The following PTPRD variants were observed in gnomAD, a reference collection of about 807,000 sequenced individuals.
PTPRD encodes protein tyrosine phosphatase receptor type D, also known as receptor-type tyrosine-protein phosphatase delta.
PTPRD carries 34 observed loss-of-function variants against 214.5 expected under a neutral mutation model. The ratio of observed to expected loss-of-function variants is 0.16; its 90% CI spans 0.12 to 0.21. The LOEUF is 0.21. Ranked by LOEUF, PTPRD falls within the 10% of genes least tolerant of loss-of-function variation. The pLI is 1.00. For synonymous variants in PTPRD, 1,128 were observed against 845.7 expected (o/e 1.33, Z -5.79); for missense variants, 2,545 against 2,398.7 (o/e 1.06, Z -1.27).
chr9:10,410,608 T>G (rs1169900094), intron 2 of PTPRD, among the ~76,000 whole-genome samples: 3 of 151,700 alleles, frequency 2.0e-5, no homozygotes, highest in Non-Finnish European at 4.4e-5. Context: ...ACATCAAATC[T>G]ATTTAAATAA....
chr9:10,470,948 A>T (rs58364353), intron 2 of PTPRD, among the ~76,000 whole-genome samples: 1 of 152,100 alleles, frequency 6.6e-6, no homozygotes, highest in African/African-American at 2.4e-5. Context: ...GCACATATAC[A>T]AGATGGAATA....
At chr9:9,290,388 T>G (rs546138264) in intron 9 of PTPRD, among the ~76,000 whole-genome samples, 24 of 151,890 alleles carry the variant, frequency 1.6e-4, no homozygotes, top group African/African-American at 5.8e-4. Flanking sequence ...TGCAAATATT[T>G]TCTCCCATTT....
At chr9:8,359,488 A>G (rs1355853389) in intron 39 of PTPRD, among the ~76,000 whole-genome samples, 4 of 152,000 alleles carry the variant, frequency 2.6e-5, no homozygotes, top group African/African-American at 4.8e-5. Flanking sequence ...GCAAATTTAT[A>G]AAATAATTAT....
intron 3 of PTPRD, among the ~76,000 whole-genome samples, chr9:10,268,706 A>G (rs1414200759): frequency 1.3e-5 from 2 of 152,124 alleles, no homozygotes; most frequent in African/African-American, 4.8e-5. Flanking sequence ...TTCTAGTACT[A>G]TATCCTCTCA....
chr9:9,088,628 G>C (rs1298702), intron 10 of PTPRD, among the ~76,000 whole-genome samples: 1 of 131,480 alleles, frequency 7.6e-6, no homozygotes, highest in African/African-American at 2.8e-5. Context: ...GCTTGCAGTA[G>C]ATGGTCTCAA....
rs2098770584 is a variant in PTPRD, at chr9:9,773,516, A to G, written c.-367-6665T>C. ...TCTTCCTTAATTCTCTAAGAGAGGT[A>G]TTATAGAATATCTCATGACATAAGA... On this transcript the variant is annotated intron_variant, in intron 5 of 45. Transcript: ENST00000381196. Among the ~76,000 whole-genome samples, 3 of 152,166 alleles carry G rather than the reference A, an allele frequency of 2.0e-5. No individual in the cohort carries two copies. The South Asian group carries it at 6.2e-4, about 32-fold the overall frequency.
At position 8,382,780 on chromosome 9, in the gene PTPRD, G is replaced by A. The variant is rs528443690; in HGVS notation, c.4387-6054C>T. ...CCCATACATCATGCAGACTCCAAAG[G>A]CAATGTTTGTGCTGCTGGTCCTAAA... On this transcript the variant is annotated intron_variant, in intron 37 of 45. Coordinates refer to ENST00000381196, the MANE Select transcript of PTPRD (RefSeq NM_002839.4). Among the ~76,000 whole-genome samples, 3 of 152,220 alleles carry A rather than the reference G, an allele frequency of 2.0e-5. No homozygotes were observed. In the East Asian group the frequency reaches 5.8e-4, roughly 29 times the overall value.
intron 2 of PTPRD, among the ~76,000 whole-genome samples, chr9:10,351,918 G>C (rs1346597015): frequency 6.6e-6 from 1 of 151,896 alleles, no homozygotes; most frequent in Non-Finnish European, 1.5e-5. Flanking sequence ...ACCTCCTTAG[G>C]AAAATGTGCC....
In PTPRD at chr9:10,012,086, T is replaced by C. The variant is rs142249268; in HGVS notation, c.-472+21632A>G. ...ACTATTTGTGAAAAGTACTAACATA[T>C]GTAAGAATTCCCTTCATCAAATGAT... On this transcript the variant is annotated intron_variant, in intron 4 of 45. Coordinates refer to ENST00000381196, the MANE Select transcript of PTPRD (RefSeq NM_002839.4). Among the ~76,000 whole-genome samples, 859 of 152,106 alleles carry C rather than the reference T, an allele frequency of 5.6e-3. 3 individuals are homozygous for C. The highest frequency in any genetic ancestry group is 9.2e-3 in the Non-Finnish European group (624 of 67,912).
At chr9:10,308,047 G>T (rs1784461954) in intron 3 of PTPRD, among the ~76,000 whole-genome samples, 1 of 151,068 alleles carries the variant, frequency 6.6e-6, no homozygotes. Flanking sequence ...TTTTTCCCTT[G>T]CTGTGCAGAG....
At chr9:9,441,532 G>C (rs545377047) in intron 8 of PTPRD, among the ~76,000 whole-genome samples, 146 of 152,246 alleles carry the variant, frequency 9.6e-4, no homozygotes, top group African/African-American at 3.4e-3. Flanking sequence ...GAGAAACTAG[G>C]TGATGAACTA....
At chr9:9,814,654 A>G (rs1466938013) in intron 5 of PTPRD, among the ~76,000 whole-genome samples, 3 of 152,190 alleles carry the variant, frequency 2.0e-5, no homozygotes, top group Admixed American at 1.3e-4. Context: ...AGTAAATAAA[A>G]TGTTCAAATG....
intron 9 of PTPRD, among the ~76,000 whole-genome samples, chr9:9,230,392 C>T (rs920375204): frequency 2.6e-5 from 4 of 152,102 alleles, no homozygotes; most frequent in African/African-American, 9.7e-5. Context: ...TCATCTCTTC[C>T]ATCTGGCTGT....
intron 2 of PTPRD, among the ~76,000 whole-genome samples, chr9:10,464,745 T>C (rs1042958554): frequency 1.3e-5 from 2 of 152,160 alleles, no homozygotes; most frequent in Admixed American, 6.6e-5. Flanking sequence ...TCGTCTCATG[T>C]AACCCAGAGA....
At chr9:10,332,509 T>C (rs535297071) in intron 3 of PTPRD, among the ~76,000 whole-genome samples, 1 of 151,834 alleles carries the variant, frequency 6.6e-6, no homozygotes, top group African/African-American at 2.4e-5. Flanking sequence ...CGAACCCATA[T>C]GTCTCTAAAT....
At chr9:8,746,976 A>C (rs6477342) in intron 11 of PTPRD, among the ~76,000 whole-genome samples, 10,796 of 152,194 alleles carry the variant, frequency 0.071, 1,020 homozygotes, top group African/African-American at 0.22. Flanking sequence ...GTGGCTGGCA[A>C]AGATGTGCAA....
intron 3 of PTPRD, among the ~76,000 whole-genome samples, chr9:10,152,017 T>G (rs1367245071): frequency 6.6e-6 from 1 of 152,216 alleles, no homozygotes; most frequent in East Asian, 1.9e-4. Flanking sequence ...CGTATAGGTT[T>G]TAGGGAATAT....
At chr9:8,537,792 G>T (rs971189912) in intron 14 of PTPRD, among the ~76,000 whole-genome samples, 7 of 151,948 alleles carry the variant, frequency 4.6e-5, no homozygotes, top group Admixed American at 6.6e-5. Flanking sequence ...CTGTTTAGAA[G>T]CAATGCATGC....
At chr9:8,323,557 T>C (rs965088194) in intron 44 of PTPRD, among the ~76,000 whole-genome samples, 20 of 152,264 alleles carry the variant, frequency 1.3e-4, no homozygotes, top group African/African-American at 4.6e-4. Flanking sequence ...CATGGATGAC[T>C]TTGAGGGGTT....
Sources: allele counts gnomAD v4.1 joint callset (sites outside exome capture counted in the v4.1 genomes callset), GRCh38; gene constraint gnomAD v4.1.1; transcripts MANE v1.5; gene names NCBI Gene and HGNC (gene_info 2026-07-23, HGNC 2026-07-21).